BOLL: variants seen among roughly 807,000 people sequenced by gnomAD.
BOLL encodes protein boule-like.
A neutral mutation model predicts 44.4 loss-of-function variants in BOLL; 23 were observed. The ratio of observed to expected loss-of-function variants is 0.52; its 90% CI spans 0.37 to 0.73. The LOEUF is 0.73. Ranked by LOEUF, BOLL falls within the 30% of genes least tolerant of loss-of-function variation. The probability of loss-of-function intolerance (pLI) is 0.00; values close to 1 mark genes in which losing one functional copy is unlikely to be tolerated. For missense variants in BOLL, 287 were observed against 338.3 expected, an observed-to-expected ratio of 0.85 and a Z score of 1.19; for synonymous variants, 97 against 110.8, an observed-to-expected ratio of 0.88 and a Z score of 0.78.
At position 197,785,074 on chromosome 2, in the gene BOLL, G is replaced by C; in HGVS notation, c.-34C>G. On this transcript the variant is annotated 5_prime_UTR_variant, in exon 1 of 11. Transcript: ENST00000392296. The surrounding 1 kb of genome is among the most constrained non-coding windows in gnomAD (Gnocchi z 6.7). ...GGCTAACCGTCGCAGTCACTGCCTC[G>C]GCGCTCCTCCCCCTCCAAGGCCAGC... The C allele has an allele frequency of 1.0e-6, 1 of 985,980 alleles. No homozygotes were observed. The highest frequency in any genetic ancestry group is 4.7e-5 in the South Asian group (1 of 21,280). The allele number at this position is 985,980 out of a possible 1,614,324, so 61.1% of individuals were successfully genotyped here. A position where few individuals can be genotyped will look rare whatever the true frequency, so the allele number is the denominator to read the frequency against.
chr2:197,748,158 C>T (rs935687834), intron 9 of BOLL, among the ~76,000 whole-genome samples: 1 of 152,168 alleles, frequency 6.6e-6, no homozygotes, highest in African/African-American at 2.4e-5. Context: ...AGGGAACTCC[C>T]TTCCCCAGCC....
At chr2:197,731,433 G>C (rs1687172503) in intron 10 of BOLL, among the ~76,000 whole-genome samples, 1 of 145,758 alleles carries the variant, frequency 6.9e-6, no homozygotes, top group South Asian at 2.3e-4. Flanking sequence ...AGGATACCCA[G>C]GAATTGAACT....
intron 7 of BOLL, among the ~76,000 whole-genome samples, chr2:197,759,831 A>G (rs1574842040): frequency 6.6e-6 from 1 of 152,144 alleles, no homozygotes; most frequent in Non-Finnish European, 1.5e-5. Flanking sequence ...ATGGTTACAC[A>G]CCTGCATACA....
At chr2:197,764,170 G>A (rs1688886530) in intron 7 of BOLL, among the ~76,000 whole-genome samples, 1 of 152,106 alleles carries the variant, frequency 6.6e-6, no homozygotes, top group Non-Finnish European at 1.5e-5. Context: ...CATATGATCT[G>A]GTAATCCCAC....
upstream of BOLL, among the ~76,000 whole-genome samples, chr2:197,785,617 G>A (rs964383586): frequency 2.0e-5 from 3 of 152,222 alleles, no homozygotes; most frequent in Non-Finnish European, 4.4e-5. The surrounding 1 kb of genome is among the most constrained non-coding windows in gnomAD (Gnocchi z 6.7). Flanking sequence ...GAGTTCGGCC[G>A]CAGGGAGCGT....
chr2:197,781,205 G>A lies in BOLL; in HGVS notation c.129+517C>T, dbSNP rs543205121. Among the ~76,000 whole-genome samples, 6 of 152,066 alleles carry A rather than the reference G, an allele frequency of 3.9e-5. No homozygotes were observed. In the South Asian group the frequency reaches 1.2e-3, roughly 32 times the overall value. On this transcript the variant is annotated intron_variant, in intron 2 of 10. Transcript: ENST00000392296. Reference sequence around the variant, plus strand: ...ATGCTTTATTCTGACAAGGACACAGGACTTTTTTGGTGATCAAATCCTAAA... The same window carrying A: ...ATGCTTTATTCTGACAAGGACACAGAACTTTTTTGGTGATCAAATCCTAAA...
intron 9 of BOLL, among the ~76,000 whole-genome samples, chr2:197,747,233 T>A (rs533758514): frequency 2.0e-5 from 3 of 152,130 alleles, no homozygotes; most frequent in Admixed American, 6.5e-5. Flanking sequence ...ATACCATTTG[T>A]CGTTAGTTAC....
chr2:197,751,362 T>C (rs561217553), intron 9 of BOLL, among the ~76,000 whole-genome samples: 1 of 152,224 alleles, frequency 6.6e-6, no homozygotes, highest in South Asian at 2.1e-4. Context: ...ATCCAAGAGC[T>C]GGTTTTTTGA....
At chr2:197,784,420 A>ATG (rs1689955716) in intron 1 of BOLL, among the ~76,000 whole-genome samples, 1 of 103,380 alleles carries the variant, frequency 9.7e-6, no homozygotes, top group African/African-American at 4.1e-5. Flanking sequence ...ATATATATAT[A>ATG]TATATATATA....
chr2:197,751,404 G>A (rs933444452), intron 9 of BOLL, among the ~76,000 whole-genome samples: 1 of 151,610 alleles, frequency 6.6e-6, no homozygotes, highest in Non-Finnish European at 1.5e-5. Flanking sequence ...CTAGCCAGAC[G>A]GATAAAGAAG....
At chr2:197,776,993 C>A in intron 4 of BOLL, 66 bp downstream of exon 4, 2 of 1,253,498 alleles carry the variant, frequency 1.6e-6, no homozygotes, top group Non-Finnish European at 2.2e-6. Context: ...GTATTTGAAC[C>A]CCGAAAAGAT....
intron 9 of BOLL, among the ~76,000 whole-genome samples, chr2:197,744,101 G>A (rs1026321160): frequency 2.0e-5 from 3 of 152,174 alleles, no homozygotes; most frequent in Non-Finnish European, 4.4e-5. Flanking sequence ...GAGCCATTGC[G>A]CCCAGCTACA....
At position 197,728,459 on chromosome 2, in the gene BOLL, G is replaced by A; in HGVS notation, c.*96C>T. On this transcript the variant is annotated 3_prime_UTR_variant, in exon 11 of 11. Transcript: ENST00000392296. ...TTAACTAACACTAAGTTTCACAACG[G>A]GCAGCTTCTAGCTGGTTCGTTGAAG... 1 of 1,582,722 alleles carries A rather than the reference G, an allele frequency of 6.3e-7. No homozygotes were observed. Among genetic ancestry groups the A allele is most frequent in the Non-Finnish European group, 8.7e-7 (1 of 1,152,146 alleles).
intron 7 of BOLL, among the ~76,000 whole-genome samples, chr2:197,765,488 AACACAAAG>A (rs1688951205): frequency 6.6e-6 from 1 of 152,012 alleles, no homozygotes; most frequent in Admixed American, 6.6e-5. Context: ...GAATGCTCCC[AACACAAAG>A]AAATGATAAA....
chr2:197,781,509 G>C (rs1329681458), intron 2 of BOLL, among the ~76,000 whole-genome samples: 11 of 152,156 alleles, frequency 7.2e-5, no homozygotes. Flanking sequence ...CAGCAAGTCA[G>C]TGAGGATCAA....
intron 9 of BOLL, among the ~76,000 whole-genome samples, chr2:197,744,603 T>C (rs1180441371): frequency 2.6e-5 from 4 of 152,142 alleles, no homozygotes; most frequent in Non-Finnish European, 5.9e-5. Context: ...ATTCTGAATG[T>C]AGACTACTTT....
chr2:197,735,784 G>A (rs1044960617), intron 10 of BOLL, among the ~76,000 whole-genome samples: 107 of 152,188 alleles, frequency 7.0e-4, no homozygotes, highest in African/African-American at 2.4e-3. Flanking sequence ...TGCCTGTTTC[G>A]GAGAGGATAT....
intron 8 of BOLL, 121 bp from the exon 9 acceptor site, chr2:197,756,677 A>G (rs1688529557): frequency 2.2e-6 from 2 of 907,826 alleles, no homozygotes; most frequent in African/African-American, 1.7e-5. Context: ...TTTTTTAGGA[A>G]TAGCACAGAA....
In BOLL at chr2:197,771,862, G is replaced by C; in HGVS notation, c.473C>G (p.Pro158Arg). The change falls in exon 6 of 11, where the codon CCT becomes CGT. Residue 158 changes from proline to arginine, a missense_variant. By Grantham distance (103) the Pro-to-Arg change is moderately radical (BLOSUM62 -2). Coordinates refer to ENST00000392296, the MANE Select transcript of BOLL (RefSeq NM_033030.6). ...HTPEVTSVPP[P>R]WPSRSVCSSP... Reference sequence around the variant, plus strand: ...TTAAATGAAATTACTTACAGGCCAAGGCGGTGGGACCGAAGTTACCTCTGG... The same window carrying C: ...TTAAATGAAATTACTTACAGGCCAACGCGGTGGGACCGAAGTTACCTCTGG... The C allele has an allele frequency of 6.3e-7, 1 of 1,583,492 alleles. No individual in the cohort carries two copies. Among genetic ancestry groups the C allele is most frequent in the South Asian group, 1.2e-5 (1 of 84,026 alleles).
Sources: gnomAD v4.1 joint callset for allele counts (sites outside exome capture counted in the v4.1 genomes callset) on GRCh38, gnomAD v4.1.1 for gene constraint, Gnocchi (gnomAD v3.1) non-coding constraint, MANE v1.5 for transcripts, NCBI Gene and HGNC (gene_info 2026-07-23, HGNC 2026-07-21) for gene names.